Variants in DYRK1A observed in about 807,000 individuals in gnomAD.
DYRK1A encodes dual specificity tyrosine phosphorylation regulated kinase 1A.
In DYRK1A, 9 loss-of-function variants were observed where a neutral mutation model predicts 79.7. The ratio of observed to expected loss-of-function variants is 0.11; its 90% CI spans 0.07 to 0.20. The LOEUF (loss-of-function observed/expected upper bound fraction) is 0.20, where lower values mean the gene tolerates loss of function less well. Ranked by LOEUF, DYRK1A falls within the 10% of genes least tolerant of loss-of-function variation. The pLI is 1.00. For synonymous variants in DYRK1A, 349 were observed against 329.7 expected, an observed-to-expected ratio of 1.06 and a Z score of -0.63; for missense variants, 622 against 956.0, an observed-to-expected ratio of 0.65 and a Z score of 4.61.
intron 7 of DYRK1A, among the ~76,000 whole-genome samples, chr21:37,491,493 C>T (rs1363804592): frequency 1.3e-5 from 2 of 152,110 alleles, no homozygotes; most frequent in Non-Finnish European, 2.9e-5. Context: ...TCTGTCCCGT[C>T]CTACTTTTGT....
rs1258048782 is a variant in DYRK1A, at chr21:37,512,657, A to G, written c.*126A>G. ...CACACTGAACCGCTACAAGAGGGCA[A>G]AGCTGATTTTTTTTTTAACTTGAAA... On this transcript the variant is annotated 3_prime_UTR_variant, in exon 12 of 12. Transcript: ENST00000647188. The G allele has an allele frequency of 1.7e-6, 2 of 1,173,148 alleles. No individual in the cohort carries two copies. Among genetic ancestry groups the G allele is most frequent in the African/African-American group, 1.7e-5 (1 of 60,592 alleles). 72.7% of individuals were successfully genotyped at this position (1,173,148 alleles called of 1,614,324 possible).
intron 8 of DYRK1A, among the ~76,000 whole-genome samples, chr21:37,495,150 TTTTGTGTGTGTGTG>T (rs1315276222): frequency 1.7e-5 from 2 of 120,092 alleles, no homozygotes; most frequent in South Asian, 2.9e-4. Flanking sequence ...GCCTCTGGGA[TTTTGTGTGTGTGTG>T]TGTGTGTGTG....
chr21:37,494,108 T>G (rs1235169671), intron 8 of DYRK1A, among the ~76,000 whole-genome samples: 2 of 151,936 alleles, frequency 1.3e-5, no homozygotes, highest in African/African-American at 4.8e-5. Context: ...GCCAGGCTGC[T>G]CTCGAACTCC....
chr21:37,464,055 G>A (rs1169278940), intron 2 of DYRK1A, among the ~76,000 whole-genome samples: 1 of 152,168 alleles, frequency 6.6e-6, no homozygotes, highest in Non-Finnish European at 1.5e-5. Context: ...GGTTAGGTAA[G>A]AATAACATTC....
chr21:37,472,910 T>C, intron 3 of DYRK1A, 30 bp downstream of exon 3: 1 of 1,429,118 alleles, frequency 7.0e-7, no homozygotes. Flanking sequence ...GAAATGACTA[T>C]TGGAATGGCA....
chr21:37,479,619 GTTTTTTTTTTTTT>G (rs565080496), intron 4 of DYRK1A, among the ~76,000 whole-genome samples: 809 of 73,944 alleles, frequency 0.011, 10 homozygotes, highest in African/African-American at 0.04. Context: ...TTTGTTTTTT[GTTTTTTTTTTTTT>G]TTTTGGAGAC....
rs2053959415 is a variant in DYRK1A, at chr21:37,525,084, G to C, written c.*12553G>C. The stretch of plus-strand genomic sequence containing the variant: ...ACTGTACTCCAGCCTGGATGACAGA[G>C]TGAGAACATTGTCTCAAAACAAAAA... On this transcript the variant is annotated 3_prime_UTR_variant, in exon 12 of 12. Coordinates refer to ENST00000647188, the MANE Select transcript of DYRK1A (RefSeq NM_001347721.2). The C allele has an allele frequency of 6.6e-6, 1 of 152,238 alleles. No individual in the cohort carries two copies. Among genetic ancestry groups the C allele is most frequent in the Non-Finnish European group, 1.5e-5 (1 of 68,068 alleles). 9.4% of individuals were successfully genotyped at this position (152,238 alleles called of 1,614,324 possible). A position where few individuals can be genotyped will look rare whatever the true frequency, so the allele number is the denominator to read the frequency against.
chr21:37,482,498 C>T (rs924584264), intron 5 of DYRK1A, among the ~76,000 whole-genome samples: 2 of 152,106 alleles, frequency 1.3e-5, no homozygotes, highest in Non-Finnish European at 2.9e-5. Flanking sequence ...AGATCACATA[C>T]TTCACAAGGT....
intron 2 of DYRK1A, among the ~76,000 whole-genome samples, chr21:37,442,551 TGTA>T (rs1161016498): frequency 6.6e-6 from 1 of 152,162 alleles, no homozygotes; most frequent in Non-Finnish European, 1.5e-5. Context: ...TCATTCACAT[TGTA>T]GTTTTTATTT....
chr21:37,474,959 A>T (rs992011013), intron 3 of DYRK1A, among the ~76,000 whole-genome samples: 1 of 152,254 alleles, frequency 6.6e-6, no homozygotes, highest in Non-Finnish European at 1.5e-5. Flanking sequence ...ATTCTTCATT[A>T]TATAGGAAAA....
At chr21:37,442,251 T>G (rs2051130142) in intron 2 of DYRK1A, among the ~76,000 whole-genome samples, 2 of 152,130 alleles carry the variant, frequency 1.3e-5, no homozygotes, top group Non-Finnish European at 2.9e-5. Flanking sequence ...GGGTTTGTAG[T>G]TTTTATCAGA....
rs528413762 is a variant in DYRK1A, at chr21:37,507,400, C to G, written c.1644+1177C>G. 1.6e-3 allele frequency among the ~76,000 whole-genome samples: 249 copies of G among 152,252 alleles called. 11 individuals are homozygous for G. The South Asian group carries it at 0.051, about 31-fold the overall frequency. On this transcript the variant is annotated intron_variant, in intron 11 of 11. Transcript: ENST00000647188. The stretch of plus-strand genomic sequence containing the variant: ...AGGCCTCTCCCATCTTAAGCAGCAC[C>G]TTTGCGTGTCCCCCTTTCTTTCCCT...
chr21:37,488,589 T>C (rs2148606999), intron 6 of DYRK1A: 1 of 985,344 alleles, frequency 1.0e-6, no homozygotes, highest in African/African-American at 1.7e-5. Context: ...CCCCAAAATT[T>C]GGTTAAAAAG....
intron 1 of DYRK1A, among the ~76,000 whole-genome samples, chr21:37,385,814 G>T (rs1379599646): frequency 1.3e-5 from 2 of 152,136 alleles, no homozygotes; most frequent in East Asian, 3.9e-4. Context: ...TAGTCTGAAA[G>T]ATTTTCCCTC....
intron 7 of DYRK1A, among the ~76,000 whole-genome samples, chr21:37,492,586 A>T (rs528935803): frequency 6.6e-6 from 1 of 152,298 alleles, no homozygotes; most frequent in South Asian, 2.1e-4. Flanking sequence ...AAGTTACTTG[A>T]CTTTTAACGC....
At chr21:37,373,657 T>A (rs190894791) in intron 1 of DYRK1A, among the ~76,000 whole-genome samples, 2 of 152,366 alleles carry the variant, frequency 1.3e-5, no homozygotes, top group East Asian at 3.9e-4. Context: ...GAATAGGATT[T>A]TGGGAAGGCA....
At chr21:37,506,576 A>C (rs1246185190) in intron 11 of DYRK1A, among the ~76,000 whole-genome samples, 1 of 152,192 alleles carries the variant, frequency 6.6e-6, no homozygotes, top group Non-Finnish European at 1.5e-5. Context: ...CTGGGTCATG[A>C]TCTGAATGAC....
chr21:37,465,612 G>A (rs995778794), intron 2 of DYRK1A, among the ~76,000 whole-genome samples: 1 of 152,114 alleles, frequency 6.6e-6, no homozygotes, highest in Non-Finnish European at 1.5e-5. Context: ...CAAAGTGAGT[G>A]GATCACCTGA....
At chr21:37,434,502 T>C (rs967172875) in intron 2 of DYRK1A, among the ~76,000 whole-genome samples, 13 of 152,218 alleles carry the variant, frequency 8.5e-5, no homozygotes, top group African/African-American at 2.9e-4. Flanking sequence ...TAAAACTATC[T>C]TTGTAGCTGT....
Sources: allele counts gnomAD v4.1 joint callset (sites outside exome capture counted in the v4.1 genomes callset), GRCh38; gene constraint gnomAD v4.1.1; transcripts MANE v1.5; gene names NCBI Gene and HGNC (gene_info 2026-07-23, HGNC 2026-07-21).